Variants in OPA3 observed in about 807,000 individuals in gnomAD.
OPA3 encodes outer mitochondrial membrane lipid metabolism regulator OPA3, also known as optic atrophy 3 protein.
A neutral mutation model predicts 4.0 loss-of-function variants in OPA3; 6 were observed. That is an observed-to-expected ratio of 1.51 (90% CI 0.83 to 2.99). The LOEUF (loss-of-function observed/expected upper bound fraction) is 2.99. Among genes scored for constraint, OPA3 ranks in the 30% most tolerant of loss-of-function variants. OPA3 has a pLI of 0.00. For missense variants in OPA3, 235 were observed against 256.2 expected (o/e 0.92, Z 0.56); for synonymous variants, 105 against 117.1 (o/e 0.90, Z 0.67).
chr19:45,572,531 T>G (rs11672603), intron 1 of OPA3, among the ~76,000 whole-genome samples: 20,157 of 126,412 alleles, frequency 0.16, 1,971 homozygotes, highest in Non-Finnish European at 0.23. Flanking sequence ...ATGAGATATA[T>G]ATATCATATG....
In OPA3 at chr19:45,550,160, GAAAAGAAAAGAA is replaced by G. The variant is rs1346903670; in HGVS notation, c.*3342_*3353del. 30 of 960,072 alleles carry G rather than the reference GAAAAGAAAAGAA, an allele frequency of 3.1e-5. No homozygotes were observed. Among genetic ancestry groups the G allele is most frequent in the Non-Finnish European group, 3.6e-5 (29 of 807,206 alleles). The allele number at this position is 960,072 out of a possible 1,614,324, so 59.5% of individuals were successfully genotyped here. On this transcript the variant is annotated 3_prime_UTR_variant, in exon 2 of 2. Coordinates refer to ENST00000263275, the MANE Select transcript of OPA3 (RefSeq NM_025136.4). ...TGACGGAGCTAGACTGTCTCCGAAA[GAAAAGAAAAGAA>G]AAAAGAAGAGAAAAGAAGAAAAGAA...
chr19:45,552,957 T>A lies in OPA3; in HGVS notation c.*557A>T, dbSNP rs1435875577. 19 of 989,410 alleles carry A rather than the reference T, an allele frequency of 1.9e-5. No homozygotes were observed. The highest frequency in any genetic ancestry group is 2.3e-5 in the Non-Finnish European group (19 of 832,254). 61.3% of individuals were successfully genotyped at this position (989,410 alleles called of 1,614,324 possible). On this transcript the variant is annotated 3_prime_UTR_variant, in exon 2 of 2. Transcript: ENST00000263275. ...TCCCAAGGTGCTAGGATTACAGGCG[T>A]GAGCCACCGCTCCCAGCCGCACCGT...
At chr19:45,536,439 T>C (rs1969119414) in intron 1 of OPA3, among the ~76,000 whole-genome samples, 2 of 150,296 alleles carry the variant, frequency 1.3e-5, no homozygotes, top group Non-Finnish European at 3.0e-5. Context: ...TCCCAGCTAC[T>C]AGGGAGGCTG....
rs770338158 is a variant in OPA3 at position 45,579,461 on chromosome 19, T to C, written c.142+5162A>G. Among the ~76,000 whole-genome samples, 81 of 152,218 alleles carry C rather than the reference T, an allele frequency of 5.3e-4. No individual in the cohort carries two copies. In the Middle Eastern group the frequency reaches 0.01, roughly 19 times the overall value. On this transcript the variant is annotated intron_variant, in intron 1 of 1. Coordinates refer to ENST00000263275, the MANE Select transcript of OPA3 (RefSeq NM_025136.4). The stretch of plus-strand genomic sequence containing the variant: ...GTCTCAAACTCCTGACCTCAAGTGA[T>C]GCACCAGCCTCAGCCTCCCAAAGTG...
intron 1 of OPA3, among the ~76,000 whole-genome samples, chr19:45,582,860 C>A (rs1969876694): frequency 6.6e-6 from 1 of 152,102 alleles, no homozygotes; most frequent in Non-Finnish European, 1.5e-5. Context: ...TAATGTTAGT[C>A]CTACAAAGGC....
chr19:45,555,366 T>G (rs904740194), intron 1 of OPA3, among the ~76,000 whole-genome samples: 1 of 152,184 alleles, frequency 6.6e-6, no homozygotes, highest in Non-Finnish European at 1.5e-5. Context: ...GACGGGGTCT[T>G]GCTTTGTCGC....
intron 1 of OPA3, among the ~76,000 whole-genome samples, chr19:45,562,661 G>A (rs1245539387): frequency 6.6e-6 from 1 of 152,198 alleles, no homozygotes; most frequent in African/African-American, 2.4e-5. Flanking sequence ...TGCCCAGCCT[G>A]GGAGACACAG....
At chr19:45,578,509 C>T (rs577279907) in intron 1 of OPA3, among the ~76,000 whole-genome samples, 1 of 151,988 alleles carries the variant, frequency 6.6e-6, no homozygotes, top group East Asian at 1.9e-4. Context: ...CTGGCTTCCC[C>T]TCACCCACCA....
intron 1 of OPA3, chr19:45,529,482 G>A (rs1969035315): frequency 6.2e-7 from 1 of 1,610,688 alleles, no homozygotes; most frequent in Admixed American, 1.7e-5. Context: ...GGAGTCAGGG[G>A]TCTTTTGCAG....
chr19:45,548,143 C>T lies in OPA3; in HGVS notation c.*5371G>A. 1.0e-6 allele frequency: 1 copy of T among 985,856 alleles called. No individual in the cohort carries two copies. Among genetic ancestry groups the T allele is most frequent in the South Asian group, 4.7e-5 (1 of 21,282 alleles). 61.1% of individuals were successfully genotyped at this position (985,856 alleles called of 1,614,324 possible). A position where few individuals can be genotyped will look rare whatever the true frequency, so the allele number is the denominator to read the frequency against. On this transcript the variant is annotated 3_prime_UTR_variant, in exon 2 of 2. Coordinates refer to ENST00000263275, the MANE Select transcript of OPA3 (RefSeq NM_025136.4). ...CACTCAGAGTTGCCATGCTTCTCCT[C>T]TCTCTGTCCACACCGACTCCAGCTA...
intron 1 of OPA3, 93 bp from the exon 2 acceptor site, chr19:45,554,004 A>T: frequency 2.0e-6 from 2 of 1,004,136 alleles, no homozygotes; most frequent in Non-Finnish European, 2.9e-6. Context: ...TAGCCTGGGT[A>T]ACCCAGGGGT....
At chr19:45,581,517 G>A (rs940028237) in intron 1 of OPA3, among the ~76,000 whole-genome samples, 1 of 152,182 alleles carries the variant, frequency 6.6e-6, no homozygotes, top group African/African-American at 2.4e-5. Flanking sequence ...ACTGTTGGGG[G>A]ATACGTCTGT....
intron 1 of OPA3, among the ~76,000 whole-genome samples, chr19:45,534,291 G>A (rs1969091457): frequency 6.6e-6 from 1 of 152,172 alleles, no homozygotes; most frequent in African/African-American, 2.4e-5. Context: ...GCCAGGCGCT[G>A]TGGCTCATGC....
At chr19:45,573,292 A>G (rs1285261816) in intron 1 of OPA3, among the ~76,000 whole-genome samples, 1 of 152,018 alleles carries the variant, frequency 6.6e-6, no homozygotes, top group Non-Finnish European at 1.5e-5. Flanking sequence ...CTCACTAAAA[A>G]TACAAAAAAT....
chr19:45,544,592 C>T (rs984151569), downstream of OPA3, among the ~76,000 whole-genome samples: 5 of 152,032 alleles, frequency 3.3e-5, no homozygotes, highest in South Asian at 2.1e-4. Context: ...GTCGGGAGTT[C>T]GAGACCAGCC....
chr19:45,556,351 C>T (rs903012173), intron 1 of OPA3, among the ~76,000 whole-genome samples: 1 of 150,090 alleles, frequency 6.7e-6, no homozygotes, highest in African/African-American at 2.5e-5. Context: ...TGCCATATTC[C>T]ATCTTATTTA....
chr19:45,564,034 C>G (rs562926316), intron 1 of OPA3, among the ~76,000 whole-genome samples: 3 of 152,002 alleles, frequency 2.0e-5, no homozygotes, highest in Non-Finnish European at 4.4e-5. Flanking sequence ...AAACAAGCCA[C>G]CTTGGCCCCC....
chr19:45,532,004 G>A (rs1348618378), intron 1 of OPA3, among the ~76,000 whole-genome samples: 1 of 152,122 alleles, frequency 6.6e-6, no homozygotes, highest in African/African-American at 2.4e-5. Flanking sequence ...GTTTACATGG[G>A]GCCTTGGGCC....
chr19:45,536,612 A>T (rs1468285080), intron 1 of OPA3, among the ~76,000 whole-genome samples: 1 of 152,080 alleles, frequency 6.6e-6, no homozygotes, highest in Non-Finnish European at 1.5e-5. Flanking sequence ...GAAGAGAAAA[A>T]CTGGAGACCT....
Sources: allele counts gnomAD v4.1 joint callset (sites outside exome capture counted in the v4.1 genomes callset), GRCh38; gene constraint gnomAD v4.1.1; transcripts MANE v1.5; gene names NCBI Gene and HGNC (gene_info 2026-07-23, HGNC 2026-07-21).